BBX: variants seen among roughly 807,000 people sequenced by gnomAD.
The protein encoded by BBX is HMG box transcription factor BBX.
Under a neutral mutation model 100.2 loss-of-function variants are expected in BBX, and 30 were observed. The ratio of observed to expected loss-of-function variants is 0.30; its 90% confidence interval spans 0.22 to 0.41. The LOEUF (loss-of-function observed/expected upper bound fraction) is 0.41, where lower values mean the gene tolerates loss of function less well. Ranked by LOEUF, BBX falls within the 10% of genes least tolerant of loss-of-function variation. BBX has a pLI of 1.00. For missense variants in BBX, 1,023 were observed against 1,129.8 expected (o/e 0.91, Z 1.35); for synonymous variants, 376 against 388.1 (o/e 0.97, Z 0.37).
At chr3:107,590,491 T>C (rs955725031) in intron 2 of BBX, among the ~76,000 whole-genome samples, 3 of 152,216 alleles carry the variant, frequency 2.0e-5, no homozygotes, top group African/African-American at 7.2e-5. Context: ...TTCTAAAATG[T>C]ATTTTTGTAC....
intron 3 of BBX, among the ~76,000 whole-genome samples, chr3:107,700,476 T>C (rs901112199): frequency 2.0e-5 from 3 of 149,446 alleles, no homozygotes; most frequent in Non-Finnish European, 4.4e-5. Flanking sequence ...TTAGGGTACA[T>C]GTGCACAACG....
chr3:107,591,954 T>C (rs2053347844), intron 2 of BBX, among the ~76,000 whole-genome samples: 1 of 152,182 alleles, frequency 6.6e-6, no homozygotes, highest in Non-Finnish European at 1.5e-5. Context: ...AACTTTCCAG[T>C]GTCTTTATGC....
chr3:107,684,037 C>G (rs774076132), intron 3 of BBX, among the ~76,000 whole-genome samples: 1 of 152,166 alleles, frequency 6.6e-6, no homozygotes, highest in African/African-American at 2.4e-5. Flanking sequence ...AAAATAAGAG[C>G]CTTCCCATTA....
At chr3:107,563,182 C>A (rs1458919302) in intron 2 of BBX, among the ~76,000 whole-genome samples, 1 of 152,136 alleles carries the variant, frequency 6.6e-6, no homozygotes, top group Non-Finnish European at 1.5e-5. Context: ...GGGATCTCTT[C>A]CAAACATCTC....
intron 5 of BBX, among the ~76,000 whole-genome samples, chr3:107,725,320 G>A (rs1560046159): frequency 6.6e-6 from 1 of 152,054 alleles, no homozygotes; most frequent in African/African-American, 2.4e-5. Context: ...TGAGACAATG[G>A]GGTTTTCTAG....
At chr3:107,706,709 C>A (rs566332501) in intron 3 of BBX, among the ~76,000 whole-genome samples, 1 of 152,268 alleles carries the variant, frequency 6.6e-6, no homozygotes, top group South Asian at 2.1e-4. Context: ...TGTTCTAAGA[C>A]CAAGAAACCA....
At chr3:107,624,414 A>G (rs2056015803) in intron 2 of BBX, among the ~76,000 whole-genome samples, 1 of 152,152 alleles carries the variant, frequency 6.6e-6, no homozygotes, top group Non-Finnish European at 1.5e-5. Flanking sequence ...TAGGCTAATA[A>G]ACATCATATT....
Position 107,710,586 on chromosome 3 carries a change from GGAA to G in BBX, c.132_134del (p.Glu46del), listed in dbSNP as rs763133432. The G allele has an allele frequency of 5.0e-6, 8 of 1,613,436 alleles. No homozygotes were observed. The East Asian group carries it at 1.1e-4, about 23-fold the overall frequency. Reference sequence around the variant, plus strand: ...AGAAACTTCTTGATTTTTCAGAAGAGGAAGAAGAGGAAGACGAAGAGGAGGATA... The same window carrying G: ...AGAAACTTCTTGATTTTTCAGAAGAGGAAGAGGAAGACGAAGAGGAGGATA... On this transcript the variant is annotated inframe_deletion, in exon 4 of 18. Coordinates refer to ENST00000325805, the MANE Select transcript of BBX (RefSeq NM_001142568.3).
At chr3:107,606,492 C>G (rs2054452655) in intron 2 of BBX, among the ~76,000 whole-genome samples, 1 of 152,156 alleles carries the variant, frequency 6.6e-6, no homozygotes, top group African/African-American at 2.4e-5. Flanking sequence ...GGCATCATAT[C>G]ATAATAATAC....
intron 7 of BBX, among the ~76,000 whole-genome samples, chr3:107,735,988 T>G (rs565416844): frequency 6.6e-6 from 1 of 152,242 alleles, no homozygotes; most frequent in Admixed American, 6.5e-5. Flanking sequence ...TTATTTTATT[T>G]GCACATAATC....
chr3:107,752,835 A>G (rs2065181956), intron 9 of BBX, among the ~76,000 whole-genome samples: 1 of 152,152 alleles, frequency 6.6e-6, no homozygotes, highest in Non-Finnish European at 1.5e-5. Flanking sequence ...CTACCTACCA[A>G]CCTAGCAAAC....
At chr3:107,588,628 A>C (rs901689392) in intron 2 of BBX, among the ~76,000 whole-genome samples, 11 of 152,136 alleles carry the variant, frequency 7.2e-5, no homozygotes, top group African/African-American at 2.4e-4. Flanking sequence ...TGTGTGCCTG[A>C]ATTTCCCATT....
chr3:107,623,884 A>G (rs974378957), intron 2 of BBX, among the ~76,000 whole-genome samples: 1 of 152,192 alleles, frequency 6.6e-6, no homozygotes, highest in African/African-American at 2.4e-5. Flanking sequence ...TTTACTCCCT[A>G]TTTTACAGAC....
intron 2 of BBX, among the ~76,000 whole-genome samples, chr3:107,536,688 G>A (rs2048514579): frequency 6.6e-6 from 1 of 152,040 alleles, no homozygotes; most frequent in Non-Finnish European, 1.5e-5. Flanking sequence ...GTCAAGTGTT[G>A]GTGAGGCTAG....
chr3:107,731,119 A>G (rs1486417183), intron 6 of BBX, among the ~76,000 whole-genome samples: 1 of 152,202 alleles, frequency 6.6e-6, no homozygotes, highest in African/African-American at 2.4e-5. Context: ...AAAGCATCCT[A>G]TGTATGTCAA....
rs536610199 is a variant in BBX at position 107,713,527 on chromosome 3, G to A, written c.162+2905G>A. On this transcript the variant is annotated intron_variant, in intron 4 of 17. Transcript: ENST00000325805. The stretch of plus-strand genomic sequence containing the variant: ...AAAATAAGTTCTAAACTCTAAGAGC[G>A]TTTTTATTTGTATTTTGTTATTCAT... Among the ~76,000 whole-genome samples the A allele has an allele frequency of 6.8e-4, 103 of 152,082 alleles. 1 individual carries two copies. The highest frequency in any genetic ancestry group is 3.4e-3 in the Middle Eastern group (1 of 294).
intron 3 of BBX, chr3:107,662,959 A>T (rs996327142): frequency 6.6e-6 from 1 of 152,192 alleles, no homozygotes; most frequent in Non-Finnish European, 1.5e-5. Flanking sequence ...AGAGCTTTTT[A>T]AAAGTAAGAA....
At chr3:107,634,917 A>C (rs1311524521) in intron 2 of BBX, among the ~76,000 whole-genome samples, 1 of 152,224 alleles carries the variant, frequency 6.6e-6, no homozygotes, top group African/African-American at 2.4e-5. Context: ...GAATCTGAGT[A>C]ATGGTAGAGC....
rs192206034 is a variant in BBX at position 107,527,623 on chromosome 3, T to A, written c.-84+1225T>A. On this transcript the variant is annotated intron_variant, in intron 2 of 17. Transcript: ENST00000325805. ...AGAAAATCTAGAGAACTTTAGATAA[T>A]CTGTATATGTTTTGCATCGAACATT... 4.4e-3 allele frequency among the ~76,000 whole-genome samples: 664 copies of A among 152,324 alleles called. 2 individuals carry two copies. The highest frequency in any genetic ancestry group is 7.0e-3 in the Non-Finnish European group (473 of 68,024).
Sources: gnomAD v4.1 joint callset for allele counts (sites outside exome capture counted in the v4.1 genomes callset) on GRCh38, gnomAD v4.1.1 for gene constraint, MANE v1.5 for transcripts, NCBI Gene and HGNC (gene_info 2026-07-23, HGNC 2026-07-21) for gene names.